Variants in PCM1 observed in about 807,000 individuals in gnomAD.
PCM1 encodes the protein pericentriolar material 1.
In PCM1, 157 loss-of-function variants were observed where a neutral mutation model predicts 241.9. The ratio of observed to expected loss-of-function variants is 0.65; its 90% CI spans 0.57 to 0.74. The LOEUF is 0.74. Among genes scored for constraint, PCM1 ranks in the 30% least tolerant of loss-of-function variants. PCM1 has a pLI of 0.00. For missense variants in PCM1, 3,478 were observed against 2,360.1 expected (o/e 1.47, Z -9.81); for synonymous variants, 1,085 against 784.9 (o/e 1.38, Z -6.39).
chr8:17,969,309 C>A lies in PCM1; in HGVS notation c.3413-268C>A, dbSNP rs1295097165. On this transcript the variant is annotated intron_variant, in intron 21 of 38. Transcript: ENST00000325083. ...AAGTGCCTGCAGTAGAGTGTGTCAC[C>A]CAGTAATTGATAAATGTCAGGTACC... is the stretch of plus-strand genomic sequence containing the variant. 4 of 309,118 alleles carry A rather than the reference C, an allele frequency of 1.3e-5. No individual in the cohort carries two copies. In the East Asian group the frequency reaches 2.3e-4, roughly 18 times the overall value. The allele number at this position is 309,118 out of a possible 1,614,324, so 19.1% of individuals were successfully genotyped here.
chr8:17,928,571 C>T (rs532641311), intron 2 of PCM1, among the ~76,000 whole-genome samples: 1 of 149,942 alleles, frequency 6.7e-6, no homozygotes, highest in Non-Finnish European at 1.5e-5. Context: ...AGCCCACATG[C>T]TAGTTGCTTA....
chr8:18,018,895 T>TACAC (rs372887041), intron 36 of PCM1, among the ~76,000 whole-genome samples: 2 of 42,604 alleles, frequency 4.7e-5, no homozygotes, highest in Admixed American at 4.2e-4. Flanking sequence ...CACATATACA[T>TACAC]ACACATATAT....
intron 29 of PCM1, among the ~76,000 whole-genome samples, chr8:17,994,037 A>C (rs1339973143): frequency 6.6e-6 from 1 of 152,196 alleles, no homozygotes; most frequent in Non-Finnish European, 1.5e-5. Flanking sequence ...TTTGTGTTAC[A>C]AACAATCCAG....
rs374330600 is a variant in PCM1 at position 17,961,245 on chromosome 8, A to G, written c.2323-789A>G. Reference sequence around the variant, plus strand: ...CTTTGGTGATATCAAATAATCAGTTAATAATATGGGAAGGGGATAATAATT... The same window carrying G: ...CTTTGGTGATATCAAATAATCAGTTGATAATATGGGAAGGGGATAATAATT... On this transcript the variant is annotated intron_variant, in intron 15 of 38. Transcript: ENST00000325083. Among the ~76,000 whole-genome samples, 14 of 151,920 alleles carry G rather than the reference A, an allele frequency of 9.2e-5. No individual in the cohort carries two copies. The East Asian group carries it at 2.3e-3, about 25-fold the overall frequency.
chr8:18,006,632 C>T (rs2091399311), intron 30 of PCM1, among the ~76,000 whole-genome samples: 1 of 152,108 alleles, frequency 6.6e-6, no homozygotes, highest in African/African-American at 2.4e-5. Flanking sequence ...AGGCATGTCT[C>T]TTATAAGCTT....
chr8:17,943,627 C>G (rs1250244086), intron 6 of PCM1, among the ~76,000 whole-genome samples: 1 of 151,918 alleles, frequency 6.6e-6, no homozygotes, highest in Non-Finnish European at 1.5e-5. Context: ...TTTGAATTCT[C>G]TTCTTGGCAT....
In PCM1 at chr8:18,026,163, CTGAAACAAAAAAAAAAAAAAA is replaced by C. The variant is rs1238937114; in HGVS notation, c.6049+506_6049+526del. ...TGGGTGAAAGAGCGAGACTCCCTCT[CTGAAACAAAAAAAAAAAAAAA>C]AAAAAAAAAAAAAAAAATGTAGACA... On this transcript the variant is annotated intron_variant, in intron 38 of 38. Coordinates refer to ENST00000325083, the MANE Select transcript of PCM1 (RefSeq NM_006197.4). 9.5e-4 allele frequency among the ~76,000 whole-genome samples: 51 copies of C among 53,676 alleles called. 1 individual carries two copies. Among genetic ancestry groups the C allele is most frequent in the African/African-American group, 2.6e-3 (33 of 12,934 alleles). 35.2% of individuals were successfully genotyped at this position (53,676 alleles called of 152,430 possible). A position where few individuals can be genotyped will look rare whatever the true frequency, so the allele number is the denominator to read the frequency against.
In PCM1 at chr8:17,963,204, T is replaced by C; in HGVS notation, c.2567T>C (p.Leu856Pro). 1 of 1,613,774 alleles carries C rather than the reference T, an allele frequency of 6.2e-7. No homozygotes were observed. The highest frequency in any genetic ancestry group is 8.5e-7 in the Non-Finnish European group (1 of 1,179,734). Reference protein sequence around the residue: ...LMAEHQRRQGLAETASPVAVS... With the variant: ...LMAEHQRRQGPAETASPVAVS... ...GCTGAACATCAGAGGAGGCAAGGTC[T>C]AGCTGAAACTGCATCTCCAGTGGCT... The change falls in exon 17 of 39, where the codon CTA becomes CCA. Residue 856 changes from leucine (L) to proline (P), a missense_variant. By Grantham distance (98) the Leu-to-Pro change is moderately conservative (BLOSUM62 -3). Coordinates refer to ENST00000325083, the MANE Select transcript of PCM1 (RefSeq NM_006197.4).
chr8:17,938,590 G>T, intron 4 of PCM1, 150 bp from the exon 5 acceptor site: 2 of 606,792 alleles, frequency 3.3e-6, no homozygotes, highest in East Asian at 2.7e-5. Flanking sequence ...GACTGTTACA[G>T]AGCCAAAGCT....
At position 17,963,330 on chromosome 8, in the gene PCM1, C is replaced by T. The variant is rs1400457062; in HGVS notation, c.2654+39C>T. 5 of 1,494,182 alleles carry T rather than the reference C, an allele frequency of 3.3e-6. No individual in the cohort carries two copies. The East Asian group carries it at 7.0e-5, about 21-fold the overall frequency. The allele number at this position is 1,494,182 out of a possible 1,614,324, so 92.6% of individuals were successfully genotyped here. The stretch of plus-strand genomic sequence containing the variant: ...ATAAATCACTTTTCTAAAAATGTCA[C>T]CTGCCGAAGATTGACCTGTAGGCTA... On this transcript the variant is annotated intron_variant, in intron 17 of 38. Transcript: ENST00000325083.
intron 17 of PCM1, 131 bp downstream of exon 17, chr8:17,963,422 A>G (rs766255245): frequency 5.0e-6 from 3 of 595,966 alleles, no homozygotes; most frequent in African/African-American, 3.9e-5. Flanking sequence ...CTGTTTAACT[A>G]CCACCTTTGT....
At chr8:17,988,978 T>C (rs1404706210) in intron 26 of PCM1, among the ~76,000 whole-genome samples, 1 of 151,976 alleles carries the variant, frequency 6.6e-6, no homozygotes, top group Non-Finnish European at 1.5e-5. Flanking sequence ...AATGAAAATA[T>C]GCATCACAAA....
At position 17,966,208 on chromosome 8, in the gene PCM1, A is replaced by T. The variant is rs2074815919; in HGVS notation, c.3065A>T (p.Gln1022Leu). The stretch of plus-strand genomic sequence containing the variant: ...GTCAGTATTTGTCAGACTTTGATGC[A>T]AGACCAGCAGGTAAAATTTGCTATG... ...FSVSICQTLM[Q>L]DQQTLSCLLQ... The change falls in exon 19 of 39, where the codon CAA becomes CTA. Residue 1022 changes from glutamine (Q) to leucine (L), a missense_variant. Gln to Leu is a moderately radical substitution (Grantham distance 113). Transcript: ENST00000325083. 1 of 1,613,098 alleles carries T rather than the reference A, an allele frequency of 6.2e-7. No homozygotes were observed.
At chr8:18,007,635 A>AT (rs1481408081) in intron 30 of PCM1, among the ~76,000 whole-genome samples, 1 of 151,968 alleles carries the variant, frequency 6.6e-6, no homozygotes. Flanking sequence ...CCCGTTCTTG[A>AT]TTTTTTCACA....
In PCM1 at chr8:18,006,371, C is replaced by G. The variant is rs2091311453; in HGVS notation, c.4936C>G (p.His1646Asp). The G allele has an allele frequency of 6.2e-7, 1 of 1,612,052 alleles. No individual in the cohort carries two copies. Among genetic ancestry groups the G allele is most frequent in the Non-Finnish European group, 8.5e-7 (1 of 1,178,346 alleles). The change falls in exon 30 of 39, where the codon CAT (histidine) becomes GAT (aspartate). Residue 1646 changes from histidine to aspartate, a missense_variant. Coordinates refer to ENST00000325083, the MANE Select transcript of PCM1 (RefSeq NM_006197.4). The part of the protein sequence containing the change: ...DESKEFVKFF[H>D]KQLGSILQDS... ...GAGCAAAGAGTTTGTAAAGTTCTTT[C>G]ATAAACAACTTGGAAGTATATTACA...
At chr8:17,944,204 G>A (rs2063081933) in intron 6 of PCM1, among the ~76,000 whole-genome samples, 1 of 152,044 alleles carries the variant, frequency 6.6e-6, no homozygotes, top group East Asian at 1.9e-4. Flanking sequence ...AACCAGCTAT[G>A]GTTCTTCAGA....
chr8:17,964,571 G>C lies in PCM1; in HGVS notation c.2658G>C (p.Thr886=). The change falls in exon 18 of 39, where the codon ACG becomes ACC. Residue 886 remains threonine, a synonymous_variant. Transcript: ENST00000325083. ...TTTTATGTCTCTTAATCACTAGAAC[G>C]ATGGCAACTTGGGGAGGGTCTACCC... ...CTPQQSRTEK[T]MATWGGSTQC... is the part of the protein sequence containing the mutation. 6.2e-7 allele frequency: 1 copy of C among 1,612,086 alleles called. No homozygotes were observed. Among genetic ancestry groups the C allele is most frequent in the South Asian group, 1.1e-5 (1 of 90,894 alleles).
Position 18,005,689 on chromosome 8 carries a change from G to T in PCM1, c.4828-574G>T, listed in dbSNP as rs570394217. ...TGAAGTGATTTGTTAAGAAAGTTAG[G>T]GGGTGATGTTAACCCTCAAGACATT... On this transcript the variant is annotated intron_variant, in intron 29 of 38. Coordinates refer to ENST00000325083, the MANE Select transcript of PCM1 (RefSeq NM_006197.4). Among the ~76,000 whole-genome samples the T allele has an allele frequency of 3.3e-5, 5 of 152,174 alleles. No individual in the cohort carries two copies. The East Asian group carries it at 9.6e-4, about 29-fold the overall frequency.
At chr8:17,953,681 A>T (rs910896374) in intron 9 of PCM1, among the ~76,000 whole-genome samples, 7 of 152,290 alleles carry the variant, frequency 4.6e-5, no homozygotes, top group Middle Eastern at 6.8e-3. Flanking sequence ...ATTCATTTTT[A>T]AAAAATATAT....
Sources: gnomAD v4.1 joint callset for allele counts (sites outside exome capture counted in the v4.1 genomes callset) on GRCh38, gnomAD v4.1.1 for gene constraint, MANE v1.5 for transcripts, NCBI Gene and HGNC (gene_info 2026-07-23, HGNC 2026-07-21) for gene names.